The following TCF12 variants were observed in gnomAD, a reference collection of about 807,000 sequenced individuals.
The protein encoded by TCF12 is DNA-binding protein HTF4.
TCF12 carries 45 observed loss-of-function variants against 86.0 expected under a neutral mutation model. The ratio of observed to expected loss-of-function variants is 0.52; its 90% confidence interval spans 0.41 to 0.67. The LOEUF (loss-of-function observed/expected upper bound fraction) is 0.67, where lower values mean the gene tolerates loss of function less well. Among genes scored for constraint, TCF12 ranks in the 30% least tolerant of loss-of-function variants. The pLI is 0.00. For missense variants in TCF12, 881 were observed against 859.9 expected, an observed-to-expected ratio of 1.02 and a Z score of -0.31; for synonymous variants, 330 against 299.6, an observed-to-expected ratio of 1.10 and a Z score of -1.05.
intron 3 of TCF12, among the ~76,000 whole-genome samples, chr15:56,940,499 C>T (rs2543674): frequency 0.88 from 130,533 of 148,990 alleles, 57,687 homozygotes; most frequent in Non-Finnish European, 0.95. Context: ...TCCTCCTCCT[C>T]CTTCTTCTTC....
intron 4 of TCF12, among the ~76,000 whole-genome samples, chr15:57,082,173 A>T (rs1055806817): frequency 1.3e-5 from 2 of 152,230 alleles, no homozygotes; most frequent in African/African-American, 2.4e-5. Context: ...TAGTAACAGA[A>T]TTCAAAAGTA....
Position 57,288,910 on chromosome 15 carries a change from C to G in TCF12, c.*2765C>G, listed in dbSNP as rs1001440695. On this transcript the variant is annotated 3_prime_UTR_variant, in exon 21 of 21. Coordinates refer to ENST00000333725, the MANE Select transcript of TCF12 (RefSeq NM_207037.2). ...TCACATTTCCCCATACCCTTTCTCA[C>G]AAAAAAAGTGTCATAATTAAGTAAT... 3.3e-5 allele frequency: 5 copies of G among 151,862 alleles called. No homozygotes were observed. Among genetic ancestry groups the G allele is most frequent in the African/African-American group, 7.3e-5 (3 of 41,374 alleles). The allele number at this position is 151,862 out of a possible 1,614,324, so 9.4% of individuals were successfully genotyped here.
intron 3 of TCF12, among the ~76,000 whole-genome samples, chr15:56,957,018 A>G (rs2061530130): frequency 6.6e-6 from 1 of 152,188 alleles, no homozygotes; most frequent in African/African-American, 2.4e-5. Context: ...TCGAGAATGG[A>G]CTAATGCCAT....
chr15:57,222,649 C>T (rs956656589), intron 8 of TCF12, among the ~76,000 whole-genome samples: 4 of 150,346 alleles, frequency 2.7e-5, no homozygotes, highest in Admixed American at 2.7e-4. Flanking sequence ...ACTCTGCCTG[C>T]ATTCAGTTTT....
At chr15:57,039,370 A>T (rs1372485411) in intron 3 of TCF12, among the ~76,000 whole-genome samples, 1 of 152,030 alleles carries the variant, frequency 6.6e-6, no homozygotes, top group African/African-American at 2.4e-5. Flanking sequence ...AAATATTTCA[A>T]CCTCAGTCTT....
At chr15:57,131,020 A>G (rs903413769) in intron 5 of TCF12, among the ~76,000 whole-genome samples, 2 of 152,318 alleles carry the variant, frequency 1.3e-5, no homozygotes, top group South Asian at 4.1e-4. Context: ...CATAGTAGTT[A>G]AAAAGCAAGG....
chr15:57,264,350 C>A (rs12438331), intron 18 of TCF12, among the ~76,000 whole-genome samples: 1 of 150,584 alleles, frequency 6.6e-6, no homozygotes, highest in Admixed American at 6.6e-5. Flanking sequence ...ACAGGCACCC[C>A]CCACCACTCC....
chr15:57,182,339 A>G (rs1313745133), intron 6 of TCF12, among the ~76,000 whole-genome samples: 1 of 152,158 alleles, frequency 6.6e-6, no homozygotes, highest in Non-Finnish European at 1.5e-5. Context: ...GAATATCAAA[A>G]TCTTAGGCTT....
chr15:57,141,958 G>A (rs1219219857), intron 5 of TCF12, among the ~76,000 whole-genome samples: 1 of 152,166 alleles, frequency 6.6e-6, no homozygotes, highest in Non-Finnish European at 1.5e-5. Flanking sequence ...AAGCACAAAC[G>A]GGAGGAATAG....
intron 5 of TCF12, among the ~76,000 whole-genome samples, chr15:57,101,583 A>G (rs1431299808): frequency 6.6e-6 from 1 of 152,202 alleles, no homozygotes; most frequent in Non-Finnish European, 1.5e-5. Flanking sequence ...ATACGTACGC[A>G]TGTGCACGCG....
chr15:57,094,833 T>C (rs1209293092), intron 5 of TCF12, among the ~76,000 whole-genome samples: 2 of 152,200 alleles, frequency 1.3e-5, no homozygotes, highest in Non-Finnish European at 2.9e-5. Context: ...TTGAGTATTA[T>C]GTTCAGCCAT....
chr15:57,219,163 G>T (rs2058461258), intron 8 of TCF12: 1 of 1,070,086 alleles, frequency 9.3e-7, no homozygotes, highest in African/African-American at 1.6e-5. Context: ...CCTTCCTTTT[G>T]TGTGTGTATA....
intron 3 of TCF12, among the ~76,000 whole-genome samples, chr15:56,971,680 C>T (rs894953685): frequency 3.3e-5 from 5 of 152,168 alleles, no homozygotes; most frequent in Admixed American, 2.6e-4. Context: ...GCTACTCAGA[C>T]GCTACTAAGA....
chr15:56,976,164 T>C (rs2062586988), intron 3 of TCF12, among the ~76,000 whole-genome samples: 1 of 151,930 alleles, frequency 6.6e-6, no homozygotes, highest in African/African-American at 2.4e-5. Flanking sequence ...GAGCATTCAT[T>C]CTGTCTTTTC....
intron 3 of TCF12, among the ~76,000 whole-genome samples, chr15:57,025,402 C>G (rs1218059705): frequency 6.6e-6 from 1 of 152,086 alleles, no homozygotes; most frequent in Non-Finnish European, 1.5e-5. Context: ...ACTAAAATCA[C>G]ATTTATTGAG....
intron 8 of TCF12, among the ~76,000 whole-genome samples, chr15:57,223,764 A>G (rs2058738588): frequency 6.7e-6 from 1 of 150,152 alleles, no homozygotes; most frequent in Non-Finnish European, 1.5e-5. Flanking sequence ...AAGAACAGAA[A>G]CCGATGTGAC....
chr15:56,935,017 G>C (rs2060407244), intron 3 of TCF12, among the ~76,000 whole-genome samples: 1 of 152,212 alleles, frequency 6.6e-6, no homozygotes, highest in African/African-American at 2.4e-5. Flanking sequence ...TTGCAACGAT[G>C]AGAATAGCTG....
chr15:57,101,228 C>T (rs561916884), intron 5 of TCF12, among the ~76,000 whole-genome samples: 1 of 151,864 alleles, frequency 6.6e-6, no homozygotes, highest in South Asian at 2.1e-4. Flanking sequence ...TTTTTTGAGA[C>T]AGAATCTTGC....
intron 3 of TCF12, among the ~76,000 whole-genome samples, chr15:56,922,445 A>G (rs145537688): frequency 7.4e-4 from 113 of 152,132 alleles, no homozygotes; most frequent in African/African-American, 2.5e-3. Flanking sequence ...CATTTATTTC[A>G]CTTTTTAAAC....
Sources: gnomAD v4.1 joint callset for allele counts (sites outside exome capture counted in the v4.1 genomes callset) on GRCh38, gnomAD v4.1.1 for gene constraint, MANE v1.5 for transcripts, NCBI Gene and HGNC (gene_info 2026-07-23, HGNC 2026-07-21) for gene names.